RPTOR: variants seen among roughly 807,000 people sequenced by gnomAD.
RPTOR encodes regulatory associated protein of MTOR complex 1, also known as regulatory-associated protein of mTOR.
In RPTOR, 21 loss-of-function variants were observed where a neutral mutation model predicts 169.9. The observed-to-expected ratio is 0.12, with a 90% CI of 0.09 to 0.18. The LOEUF (loss-of-function observed/expected upper bound fraction) is 0.18. RPTOR is among the 10% of genes least tolerant of loss of function. The pLI is 1.00. For missense variants in RPTOR, 1,133 were observed against 1,855.9 expected, an observed-to-expected ratio of 0.61 and a Z score of 7.16; for synonymous variants, 732 against 753.2, an observed-to-expected ratio of 0.97 and a Z score of 0.46.
intron 24 of RPTOR, among the ~76,000 whole-genome samples, chr17:80,928,773 T>A (rs544704669): frequency 3.3e-5 from 5 of 152,320 alleles, no homozygotes; most frequent in Non-Finnish European, 7.3e-5. Flanking sequence ...AAGAAAAAGA[T>A]GTATTGAATT....
Position 80,918,457 on chromosome 17 carries a change from G to A in RPTOR, c.2521-4267G>A, listed in dbSNP as rs565685240. 8.5e-4 allele frequency among the ~76,000 whole-genome samples: 122 copies of A among 142,818 alleles called. 1 individual carries two copies. Among genetic ancestry groups the A allele is most frequent in the South Asian group, 4.4e-3 (20 of 4,520 alleles). The allele number at this position is 142,818 out of a possible 152,430, so 93.7% of individuals were successfully genotyped here. The stretch of plus-strand genomic sequence containing the variant: ...GCACCCTCGCCGGAGTCATAGCCAC[G>A]AGCACCCTCGCCGGAGTCATAGCCA... On this transcript the variant is annotated intron_variant, in intron 21 of 33. Transcript: ENST00000306801.
intron 2 of RPTOR, among the ~76,000 whole-genome samples, chr17:80,640,700 CT>C (rs1281770747): frequency 2.0e-4 from 31 of 152,184 alleles, no homozygotes; most frequent in Admixed American, 2.0e-3. Flanking sequence ...AGGGAAGTGG[CT>C]GCCTCCTGCC....
intron 20 of RPTOR, among the ~76,000 whole-genome samples, chr17:80,897,168 G>C (rs2068417028): frequency 6.6e-6 from 1 of 151,662 alleles, no homozygotes; most frequent in Admixed American, 6.6e-5. Context: ...AGAATCACTT[G>C]AACCGGGGAG....
chr17:80,831,778 TGTGTATCCCTGTGTGTCACC>T (rs1567936835), intron 9 of RPTOR, among the ~76,000 whole-genome samples: 1 of 151,804 alleles, frequency 6.6e-6, no homozygotes, highest in Non-Finnish European at 1.5e-5. Flanking sequence ...TGTGTGTCAC[TGTGTATCCCTGTGTGTCACC>T]GTGTATCCCT....
chr17:80,866,392 G>T (rs1389662389), intron 13 of RPTOR, among the ~76,000 whole-genome samples: 2 of 152,138 alleles, frequency 1.3e-5, no homozygotes, highest in Non-Finnish European at 2.9e-5. Context: ...CACCTGAAGA[G>T]GGCAGCGTGA....
chr17:80,893,417 GGT>G (rs140589240), intron 19 of RPTOR, among the ~76,000 whole-genome samples: 4,294 of 137,466 alleles, frequency 0.031, 156 homozygotes, highest in African/African-American at 0.088. Flanking sequence ...TGTGTACAAG[GGT>G]GTGTGTGTGC....
At position 80,872,541 on chromosome 17, in the gene RPTOR, G is replaced by T. The variant is rs555170599; in HGVS notation, c.1510-7874G>T. ...TAGGTGACATGCACATTGGTGACAGGCCAGGCTGCAGGGAACTGGGTCTGT... is the reference window on the plus strand; with the variant it reads ...TAGGTGACATGCACATTGGTGACAGTCCAGGCTGCAGGGAACTGGGTCTGT... On this transcript the variant is annotated intron_variant, in intron 13 of 33. Coordinates refer to ENST00000306801, the MANE Select transcript of RPTOR (RefSeq NM_020761.3). Among the ~76,000 whole-genome samples the T allele has an allele frequency of 3.9e-5, 6 of 152,320 alleles. No individual in the cohort carries two copies. In the South Asian group the frequency reaches 1.0e-3, roughly 26 times the overall value.
Position 80,891,880 on chromosome 17 carries a change from G to C in RPTOR, c.2101+43G>C, listed in dbSNP as rs759527164. On this transcript the variant is annotated intron_variant, in intron 18 of 33. Coordinates refer to ENST00000306801, the MANE Select transcript of RPTOR (RefSeq NM_020761.3). ...GTGAACCCGCAGAGCACCTCGCCTGGCGGTTCTAGTGCAGGCCGCGGCCCA... is the reference window on the plus strand; with the variant it reads ...GTGAACCCGCAGAGCACCTCGCCTGCCGGTTCTAGTGCAGGCCGCGGCCCA... The C allele has an allele frequency of 1.3e-5, 19 of 1,428,088 alleles. No homozygotes were observed. The African/African-American group carries it at 2.4e-4, about 18-fold the overall frequency. The allele number at this position is 1,428,088 out of a possible 1,614,324, so 88.5% of individuals were successfully genotyped here.
chr17:80,654,300 T>C (rs2065663309), intron 3 of RPTOR, among the ~76,000 whole-genome samples: 1 of 152,264 alleles, frequency 6.6e-6, no homozygotes, highest in South Asian at 2.1e-4. Context: ...AGAGGAGCCA[T>C]GGAGGCAGAA....
At chr17:80,900,465 T>G (rs1015712331) in intron 20 of RPTOR, among the ~76,000 whole-genome samples, 1 of 152,272 alleles carries the variant, frequency 6.6e-6, no homozygotes, top group East Asian at 1.9e-4. Context: ...TACAGGCGCA[T>G]GCCACCACAC....
chr17:80,779,655 A>G (rs9908112), intron 6 of RPTOR, among the ~76,000 whole-genome samples: 139,934 of 152,124 alleles, frequency 0.92, 64,470 homozygotes, highest in East Asian at 1. Flanking sequence ...TCAGTGGCGC[A>G]TGTCTGGAGG....
intron 3 of RPTOR, among the ~76,000 whole-genome samples, chr17:80,679,890 C>G (rs187022557): frequency 1.4e-4 from 21 of 146,318 alleles, no homozygotes; most frequent in Admixed American, 1.2e-3. Flanking sequence ...CACTCCCAGG[C>G]TGGGTGAGGT....
intron 3 of RPTOR, among the ~76,000 whole-genome samples, chr17:80,672,837 G>T: frequency 6.6e-6 from 1 of 152,160 alleles, no homozygotes; most frequent in East Asian, 1.9e-4. Context: ...ACAAGATCAA[G>T]ACACTTTTGT....
intron 6 of RPTOR, chr17:80,773,869 CTCCCTCAGACG>C (rs1415847864): frequency 1.0e-6 from 1 of 985,254 alleles, no homozygotes; most frequent in Admixed American, 6.1e-5. Context: ...TGCATCAGAG[CTCCCTCAGACG>C]TCGACCGCTT....
At chr17:80,807,809 A>G (rs754362118) in intron 7 of RPTOR, among the ~76,000 whole-genome samples, 6 of 152,084 alleles carry the variant, frequency 3.9e-5, no homozygotes, top group Non-Finnish European at 8.8e-5. Flanking sequence ...TAACTGCCAG[A>G]TAGTATATGC....
chr17:80,767,344 A>G (rs185267154), intron 6 of RPTOR, among the ~76,000 whole-genome samples: 20 of 152,314 alleles, frequency 1.3e-4, no homozygotes, highest in Middle Eastern at 6.8e-3. Flanking sequence ...GTGGTCCAGC[A>G]TAGACCACAG....
chr17:80,784,729 G>A (rs1213455974), intron 6 of RPTOR, among the ~76,000 whole-genome samples: 3 of 143,170 alleles, frequency 2.1e-5, no homozygotes, highest in African/African-American at 5.2e-5. Context: ...ACAGAGTTTC[G>A]CTCTTTTTGC....
chr17:80,639,926 A>G (rs1045228156), intron 2 of RPTOR, among the ~76,000 whole-genome samples: 4 of 152,234 alleles, frequency 2.6e-5, no homozygotes, highest in Admixed American at 6.5e-5. Flanking sequence ...AGCACTATCA[A>G]TAACCTTGGA....
intron 24 of RPTOR, among the ~76,000 whole-genome samples, chr17:80,926,182 C>A (rs2068809657): frequency 6.6e-6 from 1 of 152,232 alleles, no homozygotes; most frequent in African/African-American, 2.4e-5. Flanking sequence ...TCTTAGTCAT[C>A]TCTGTGAATG....
Sources: allele counts gnomAD v4.1 joint callset (sites outside exome capture counted in the v4.1 genomes callset), GRCh38; gene constraint gnomAD v4.1.1; transcripts MANE v1.5; gene names NCBI Gene and HGNC (gene_info 2026-07-23, HGNC 2026-07-21).